The following AOPEP variants were observed in gnomAD, a reference collection of about 807,000 sequenced individuals.
AOPEP encodes the protein aminopeptidase O (putative), also known as aminopeptidase O.
A neutral mutation model predicts 98.1 loss-of-function variants in AOPEP; 77 were observed. The observed-to-expected ratio is 0.78, with a 90% CI of 0.65 to 0.95. The LOEUF is 0.95. Among genes scored for constraint, AOPEP ranks in the 40% least tolerant of loss-of-function variants. The pLI, the probability that AOPEP is intolerant of heterozygous loss-of-function variation, is 0.00. For missense variants in AOPEP, 1,024 were observed against 1,024.7 expected (o/e 1.00, Z 0.01); for synonymous variants, 346 against 365.3 (o/e 0.95, Z 0.60).
intron 14 of AOPEP, among the ~76,000 whole-genome samples, chr9:95,078,453 G>A (rs926477441): frequency 6.6e-6 from 1 of 152,248 alleles, no homozygotes; most frequent in African/African-American, 2.4e-5. Context: ...CAAAAGTGTG[G>A]TGTGGTCAGA....
intron 5 of AOPEP, among the ~76,000 whole-genome samples, chr9:94,804,001 C>T (rs1306256134): frequency 6.6e-6 from 1 of 152,212 alleles, no homozygotes; most frequent in African/African-American, 2.4e-5. Context: ...TAAAATGCAT[C>T]TCTGAAGTAC....
At chr9:94,973,501 A>G (rs980226510) in intron 10 of AOPEP, among the ~76,000 whole-genome samples, 6 of 152,180 alleles carry the variant, frequency 3.9e-5, no homozygotes, top group Non-Finnish European at 8.8e-5. Context: ...TGGTCAGCAT[A>G]TTCTCTCCCC....
At chr9:95,043,957 A>T (rs1031271853) in intron 13 of AOPEP, among the ~76,000 whole-genome samples, 3 of 152,208 alleles carry the variant, frequency 2.0e-5, no homozygotes, top group African/African-American at 7.2e-5. Context: ...ATGGTGTATT[A>T]AGTGGCTTGA....
chr9:95,136,767 A>T, the AOPEP span, among the ~76,000 whole-genome samples: 2 of 152,212 alleles, frequency 1.3e-5, no homozygotes, highest in Non-Finnish European at 2.9e-5. Flanking sequence ...TACAGGCCTG[A>T]GCCCCACTAC....
At chr9:95,041,251 T>G (rs1056979930) in intron 13 of AOPEP, among the ~76,000 whole-genome samples, 3 of 152,168 alleles carry the variant, frequency 2.0e-5, no homozygotes, top group Admixed American at 6.5e-5. Context: ...GAAAGACTCC[T>G]TTGTAGCAAG....
chr9:95,064,603 T>C (rs1291944758), intron 14 of AOPEP, among the ~76,000 whole-genome samples: 2 of 152,218 alleles, frequency 1.3e-5, no homozygotes, highest in Non-Finnish European at 2.9e-5. Context: ...CTACCTCTTT[T>C]GATGCATCGT....
At chr9:94,874,034 T>C (rs2135695875) in intron 5 of AOPEP, among the ~76,000 whole-genome samples, 1 of 152,320 alleles carries the variant, frequency 6.6e-6, no homozygotes, top group East Asian at 1.9e-4. Flanking sequence ...TAAAGTATAT[T>C]AGAAATAACT....
At chr9:95,054,054 T>A (rs571554408) in intron 13 of AOPEP, among the ~76,000 whole-genome samples, 1 of 152,328 alleles carries the variant, frequency 6.6e-6, no homozygotes, top group Admixed American at 6.5e-5. Flanking sequence ...AGGAAATTTT[T>A]ATGAAAATGT....
At chr9:95,002,073 A>G (rs2061597561) in intron 11 of AOPEP, among the ~76,000 whole-genome samples, 2 of 151,928 alleles carry the variant, frequency 1.3e-5, no homozygotes, top group African/African-American at 4.8e-5. Flanking sequence ...GCCACCGTGC[A>G]CAGCCTGTTT....
chr9:94,759,772 A>G lies in AOPEP; in HGVS notation c.-12A>G, dbSNP rs758349468. On this transcript the variant is annotated 5_prime_UTR_variant, in exon 2 of 17. Transcript: ENST00000375315. ...GAGATTTTAATAAATCCCTCAAACA[A>G]TAAACCACATCATGGACATACAGCT... is the stretch of plus-strand genomic sequence containing the variant. 8.7e-6 allele frequency: 14 copies of G among 1,602,868 alleles called. No homozygotes were observed. In the East Asian group the frequency reaches 1.1e-4, roughly 13 times the overall value.
the AOPEP span, chr9:95,114,857 A>T: frequency 1.4e-6 from 1 of 722,166 alleles, no homozygotes; most frequent in East Asian, 2.6e-5. Context: ...TGCTTTTCCC[A>T]GCCAGTACCT....
intron 13 of AOPEP, chr9:95,019,431 GTTTC>G (rs1474914812): frequency 2.6e-5 from 4 of 152,110 alleles, no homozygotes; most frequent in Non-Finnish European, 4.4e-5. Flanking sequence ...CGCTGATTTT[GTTTC>G]TTTTTTTCAA....
chr9:95,117,238 CTGA>C, the AOPEP span: 1 of 1,266,618 alleles, frequency 7.9e-7, no homozygotes, highest in Non-Finnish European at 1.2e-6. Flanking sequence ...AGATAAGGGC[CTGA>C]TGAGGAGGTC....
At chr9:94,944,931 T>G (rs1475725774) in intron 7 of AOPEP, among the ~76,000 whole-genome samples, 1 of 152,328 alleles carries the variant, frequency 6.6e-6, no homozygotes, top group East Asian at 1.9e-4. Context: ...AGAGAGAGAT[T>G]GATGGAAATC....
At chr9:94,967,133 C>T (rs1284124075) in intron 9 of AOPEP, among the ~76,000 whole-genome samples, 6 of 151,836 alleles carry the variant, frequency 4.0e-5, no homozygotes, top group East Asian at 3.9e-4. Flanking sequence ...ATAAAATGTG[C>T]GTGTGTGTAT....
At chr9:94,832,119 CA>C (rs1856101341) in intron 5 of AOPEP, among the ~76,000 whole-genome samples, 2 of 152,028 alleles carry the variant, frequency 1.3e-5, no homozygotes, top group African/African-American at 4.8e-5. Flanking sequence ...CACATGAATA[CA>C]AAATATTTTT....
At chr9:94,765,129 T>C (rs934795966) in intron 2 of AOPEP, among the ~76,000 whole-genome samples, 1 of 151,864 alleles carries the variant, frequency 6.6e-6, no homozygotes, top group Non-Finnish European at 1.5e-5. Context: ...GCCCAGCTAA[T>C]TTTTGTATTT....
At chr9:94,967,306 A>G (rs985936499) in intron 9 of AOPEP, among the ~76,000 whole-genome samples, 6 of 152,146 alleles carry the variant, frequency 3.9e-5, no homozygotes, top group Non-Finnish European at 2.9e-5. Context: ...CCTTGATGGC[A>G]TATTTATCAT....
chr9:94,897,250 G>T (rs541394269), intron 5 of AOPEP, among the ~76,000 whole-genome samples: 5 of 151,932 alleles, frequency 3.3e-5, no homozygotes, highest in African/African-American at 1.2e-4. Context: ...AAATGTAAAA[G>T]AATAAAACTC....
Sources: allele counts gnomAD v4.1 joint callset (sites outside exome capture counted in the v4.1 genomes callset), GRCh38; gene constraint gnomAD v4.1.1; transcripts MANE v1.5; gene names NCBI Gene and HGNC (gene_info 2026-07-23, HGNC 2026-07-21).